NAV2: variants seen among roughly 807,000 people sequenced by gnomAD.
The protein encoded by NAV2 is helicase, APC down-regulated 1.
Under a neutral mutation model 223.2 loss-of-function variants are expected in NAV2, and 54 were observed. The ratio of observed to expected loss-of-function variants is 0.24; its 90% CI spans 0.19 to 0.30. The LOEUF (loss-of-function observed/expected upper bound fraction) is 0.30. Among genes scored for constraint, NAV2 ranks in the 10% least tolerant of loss-of-function variants. NAV2 has a pLI of 1.00. For missense variants in NAV2, 2,806 were observed against 3,147.5 expected (o/e 0.89, Z 2.60); for synonymous variants, 1,279 against 1,239.3 (o/e 1.03, Z -0.67).
At chr11:19,893,470 G>A (rs1166997470) in intron 6 of NAV2, among the ~76,000 whole-genome samples, 1 of 152,104 alleles carries the variant, frequency 6.6e-6, no homozygotes, top group Admixed American at 6.5e-5. Flanking sequence ...GTCCAGGAAA[G>A]CTGCCCCCTC....
At chr11:19,612,278 A>G (rs1395189615) in intron 1 of NAV2, among the ~76,000 whole-genome samples, 1 of 152,130 alleles carries the variant, frequency 6.6e-6, no homozygotes, top group Non-Finnish European at 1.5e-5. Flanking sequence ...CCTGCAGTGA[A>G]AGTCTCTGAC....
intron 4 of NAV2, among the ~76,000 whole-genome samples, chr11:19,879,411 TG>T (rs1347250091): frequency 1.3e-5 from 2 of 152,036 alleles, no homozygotes; most frequent in African/African-American, 4.8e-5. Context: ...GTAGGACGAC[TG>T]GGGAAAGCAG....
At chr11:20,022,615 T>A (rs1249659514) in intron 11 of NAV2, 5 of 987,132 alleles carry the variant, frequency 5.1e-6, no homozygotes, top group Non-Finnish European at 6.0e-6. Flanking sequence ...AGAAATGTTA[T>A]AGTCAATGAT....
chr11:19,397,359 A>G (rs1049112139), intron 1 of NAV2, among the ~76,000 whole-genome samples: 9 of 151,302 alleles, frequency 5.9e-5, no homozygotes, highest in African/African-American at 2.2e-4. Context: ...GTGACCACTT[A>G]GCAGAGCTAC....
intron 22 of NAV2, among the ~76,000 whole-genome samples, chr11:20,068,825 A>T (rs1317533872): frequency 2.0e-5 from 3 of 152,222 alleles, no homozygotes; most frequent in African/African-American, 7.2e-5. Flanking sequence ...ATTGTGATAT[A>T]CACGATTATG....
At chr11:19,919,780 G>A (rs1209841838) in intron 6 of NAV2, among the ~76,000 whole-genome samples, 1 of 152,186 alleles carries the variant, frequency 6.6e-6, no homozygotes, top group Non-Finnish European at 1.5e-5. Context: ...CCCTTTTGCT[G>A]CTCATGAGGG....
At chr11:19,942,886 G>T (rs2046519091) in intron 8 of NAV2, among the ~76,000 whole-genome samples, 2 of 152,322 alleles carry the variant, frequency 1.3e-5, no homozygotes, top group African/African-American at 4.8e-5. Context: ...GGGAGGCTGA[G>T]GTGGGAGGAT....
chr11:19,564,148 C>T (rs1215710917), intron 1 of NAV2, among the ~76,000 whole-genome samples: 1 of 152,132 alleles, frequency 6.6e-6, no homozygotes, highest in Non-Finnish European at 1.5e-5. Flanking sequence ...CCTGGCCTAC[C>T]CATTCTGTGG....
chr11:19,589,598 T>C (rs1311574134), intron 1 of NAV2, among the ~76,000 whole-genome samples: 1 of 152,050 alleles, frequency 6.6e-6, no homozygotes, highest in African/African-American at 2.4e-5. Context: ...AGCAAGAGCA[T>C]GTGTAGGTGA....
intron 1 of NAV2, among the ~76,000 whole-genome samples, chr11:19,478,756 C>G (rs563740129): frequency 6.6e-6 from 1 of 152,234 alleles, no homozygotes; most frequent in East Asian, 1.9e-4. Context: ...CCACTTTCTC[C>G]TGGCTTCCAT....
intron 26 of NAV2, among the ~76,000 whole-genome samples, chr11:20,088,479 A>C (rs756537667): frequency 5.3e-5 from 8 of 152,180 alleles, no homozygotes; most frequent in Non-Finnish European, 2.9e-5. Context: ...CGGGCCAAGA[A>C]TGTGTTTTCA....
At chr11:19,397,418 T>TGTGTGTGTGCGCGC (rs57566081) in intron 1 of NAV2, among the ~76,000 whole-genome samples, 16 of 145,356 alleles carry the variant, frequency 1.1e-4, no homozygotes, top group African/African-American at 4.1e-4. Context: ...TGTGTGTGTG[T>TGTGTGTGTGCGCGC]GCGCGCATGT....
intron 8 of NAV2, 111 bp from the exon 9 acceptor site, chr11:19,946,290 A>C: frequency 2.3e-6 from 2 of 862,244 alleles, no homozygotes; most frequent in Non-Finnish European, 3.4e-6. Context: ...CACCCACAGC[A>C]AGGCACGTGC....
chr11:19,691,185 C>T lies in NAV2; in HGVS notation c.76-141299C>T, dbSNP rs138030867. 8.9e-3 allele frequency among the ~76,000 whole-genome samples: 1,347 copies of T among 151,934 alleles called. 12 individuals are homozygous for T. The highest frequency in any genetic ancestry group is 0.02 in the Middle Eastern group (6 of 294). ...CTTAGATAAACAGGCTCTAGGCCAG[C>T]GTTATCCAGTAGAAATAGAAGGCAA... On this transcript the variant is annotated intron_variant, in intron 1 of 37. Transcript: ENST00000360655.
chr11:19,637,067 A>G (rs2047523785), intron 1 of NAV2, among the ~76,000 whole-genome samples: 3 of 152,226 alleles, frequency 2.0e-5, no homozygotes, highest in Non-Finnish European at 4.4e-5. Context: ...GCTTCATCCA[A>G]GAAAACAAGT....
At chr11:19,793,860 G>A (rs1464231824) in intron 1 of NAV2, among the ~76,000 whole-genome samples, 1 of 152,142 alleles carries the variant, frequency 6.6e-6, no homozygotes, top group Non-Finnish European at 1.5e-5. Flanking sequence ...TGGCTGTTCT[G>A]CTTTTCCAGA....
At chr11:19,386,688 TAGAGAGAAA>T (rs142452239) in intron 1 of NAV2, among the ~76,000 whole-genome samples, 29,225 of 152,022 alleles carry the variant, frequency 0.19, 2,855 homozygotes, top group East Asian at 0.38. Flanking sequence ...CTTGGTTTGG[TAGAGAGAAA>T]ATGTGAGTTG....
At position 20,045,491 on chromosome 11, in the gene NAV2, T is replaced by G. The variant is rs748359551; in HGVS notation, c.3723T>G (p.Ser1241=). 4.3e-6 allele frequency: 7 copies of G among 1,614,024 alleles called. No homozygotes were observed. Among genetic ancestry groups the G allele is most frequent in the Non-Finnish European group, 5.9e-6 (7 of 1,180,016 alleles). The part of the protein sequence containing the change: ...REPSKTALGS[S]LPGLVNQTDK... The stretch of plus-strand genomic sequence containing the variant: ...CTTCCAAAACAGCCCTAGGCAGCTC[T>G]CTACCAGGTCTGGTCAACCAAACAG... The change falls in exon 14 of 38, where the codon TCT becomes TCG. Residue 1241 remains serine (S), a synonymous_variant. Coordinates refer to ENST00000349880, the MANE Select transcript of NAV2 (RefSeq NM_145117.5).
intron 1 of NAV2, among the ~76,000 whole-genome samples, chr11:19,664,333 G>A (rs948162583): frequency 6.6e-6 from 1 of 152,182 alleles, no homozygotes; most frequent in Non-Finnish European, 1.5e-5. Context: ...CATGGATTGG[G>A]TCTTTTGCAG....
Sources: allele counts gnomAD v4.1 joint callset (sites outside exome capture counted in the v4.1 genomes callset), GRCh38; gene constraint gnomAD v4.1.1; transcripts MANE v1.5; gene names NCBI Gene and HGNC (gene_info 2026-07-23, HGNC 2026-07-21).